Variants in NFYC observed in about 807,000 individuals in gnomAD.
NFYC encodes CAAT box DNA-binding protein subunit C.
A neutral mutation model predicts 53.1 loss-of-function variants in NFYC; 25 were observed. That is an observed-to-expected ratio of 0.47 (90% CI 0.34 to 0.66). The LOEUF (loss-of-function observed/expected upper bound fraction) is 0.66, where lower values mean the gene tolerates loss of function less well. Among genes scored for constraint, NFYC ranks in the 30% least tolerant of loss-of-function variants. The probability of loss-of-function intolerance (pLI) is 0.01; values close to 1 mark genes in which losing one functional copy is unlikely to be tolerated. For synonymous variants in NFYC, 145 were observed against 152.6 expected (o/e 0.95, Z 0.37); for missense variants, 260 against 422.7 (o/e 0.62, Z 3.38).
intron 1 of NFYC, among the ~76,000 whole-genome samples, chr1:40,728,982 A>G (rs1644645679): frequency 6.6e-6 from 1 of 152,200 alleles, no homozygotes; most frequent in South Asian, 2.1e-4. Flanking sequence ...GTGAGCAGTA[A>G]TATTTTCAAA....
chr1:40,762,883 T>C lies in NFYC; in HGVS notation c.562-5T>C, dbSNP rs372846664. ...ACGCAGCATTCTCATAACTCTTCCT[T>C]TCAGACCACACCTGTGACAATGCAG... On this transcript the variant is annotated splice_polypyrimidine_tract_variant and splice_region_variant and intron_variant, in intron 6 of 9. Coordinates refer to ENST00000447388, the MANE Select transcript of NFYC (RefSeq NM_014223.5). The C allele has an allele frequency of 1.8e-4, 280 of 1,586,908 alleles. No individual in the cohort carries two copies. Among genetic ancestry groups the C allele is most frequent in the Non-Finnish European group, 2.3e-4 (266 of 1,164,322 alleles).
chr1:40,743,933 C>T (rs1645479723), intron 2 of NFYC, among the ~76,000 whole-genome samples: 1 of 152,146 alleles, frequency 6.6e-6, no homozygotes, highest in Non-Finnish European at 1.5e-5. Flanking sequence ...AACAGTAGTC[C>T]TTAACTCTCA....
At chr1:40,747,244 G>A (rs78359579) in intron 2 of NFYC, among the ~76,000 whole-genome samples, 152 of 133,880 alleles carry the variant, frequency 1.1e-3, no homozygotes, top group Middle Eastern at 3.7e-3. Context: ...TTGTGCTGAC[G>A]AAAAAAAAAA....
rs931685844 is a variant in NFYC at position 40,753,311 on chromosome 1, C to G, written c.387+65C>G. ...GCGCTTTGTATACTGGTGTCAGATA[C>G]GCTCCTTCTCTCTCAGCACAAGTCA... On this transcript the variant is annotated intron_variant, in intron 5 of 9. Transcript: ENST00000447388. 1.6e-5 allele frequency: 17 copies of G among 1,060,902 alleles called. No homozygotes were observed. In the African/African-American group the frequency reaches 2.5e-4, roughly 16 times the overall value. The allele number at this position is 1,060,902 out of a possible 1,614,324, so 65.7% of individuals were successfully genotyped here.
At chr1:40,762,812 T>C (rs1334409580) in intron 6 of NFYC, 76 bp from the exon 7 acceptor site, 2 of 1,373,352 alleles carry the variant, frequency 1.5e-6, no homozygotes, top group Non-Finnish European at 1.9e-6. Flanking sequence ...AGCACATTGC[T>C]CGTTATTAAC....
rs199514812 is a variant in NFYC at position 40,770,820 on chromosome 1, G to A, written c.1000G>A (p.Gly334Ser). ...PSDGQAPQVT[G>S]D The stretch of plus-strand genomic sequence containing the variant: ...CGACGGGCAGGCCCCCCAGGTGACC[G>A]GCGACTGAGGGCCTGAGCTGGCAAG... Residue 334 changes from glycine to serine, a missense_variant, in exon 10 of 10, where the codon GGC becomes AGC. Transcript: ENST00000447388. The surrounding 1 kb of genome is among the most constrained non-coding windows in gnomAD (Gnocchi z 5.3). 4.0e-5 allele frequency: 64 copies of A among 1,608,468 alleles called. No individual in the cohort carries two copies. The highest frequency in any genetic ancestry group is 1.6e-4 in the Middle Eastern group (1 of 6,062).
chr1:40,755,564 A>G (rs892711589), intron 5 of NFYC, among the ~76,000 whole-genome samples: 1 of 152,220 alleles, frequency 6.6e-6, no homozygotes. Flanking sequence ...GTTCCTGCCC[A>G]TTGAAATGTC....
Position 40,770,766 on chromosome 1 carries a change from A to G in NFYC, c.946A>G (p.Met316Val), listed in dbSNP as rs776903607. 3.7e-6 allele frequency: 6 copies of G among 1,613,606 alleles called. No individual in the cohort carries two copies. In the Admixed American group the frequency reaches 6.7e-5, roughly 18 times the overall value. ...TGCGGGCCAGGACCTCGCCCAGCCC[A>G]TGTTCATCCAGTCAGCCAACCAGCC... ...MPAGQDLAQP[M>V]FIQSANQPSD... The change falls in exon 10 of 10, where the codon ATG (methionine) becomes GTG (valine). Residue 316 changes from methionine to valine, a missense_variant. Met to Val is a conservative substitution (Grantham distance 21, BLOSUM62 1). Transcript: ENST00000447388. The surrounding 1 kb of genome is among the most constrained non-coding windows in gnomAD (Gnocchi z 5.3).
intron 1 of NFYC, chr1:40,692,440 G>A (rs553263338): frequency 6.5e-6 from 1 of 152,748 alleles, no homozygotes; most frequent in South Asian, 2.0e-4. Context: ...CCAAGATTGG[G>A]GTGTGCAGGC....
chr1:40,750,545 G>A (rs546473058), intron 4 of NFYC, among the ~76,000 whole-genome samples: 7 of 152,118 alleles, frequency 4.6e-5, no homozygotes, highest in South Asian at 2.1e-4. Flanking sequence ...TTGTCAATGC[G>A]TCATAAAGTT....
chr1:40,712,464 A>G (rs965931145), intron 1 of NFYC: 1 of 152,150 alleles, frequency 6.6e-6, no homozygotes, highest in Non-Finnish European at 1.5e-5. Context: ...TTGCATTACA[A>G]TGCAGGTAAG....
intron 1 of NFYC, among the ~76,000 whole-genome samples, chr1:40,694,562 C>T (rs1038278965): frequency 6.6e-6 from 1 of 152,128 alleles, no homozygotes; most frequent in Non-Finnish European, 1.5e-5. Context: ...TCAAGTTAAC[C>T]AAATATGAAG....
chr1:40,768,419 C>G (rs1054279318), intron 8 of NFYC, among the ~76,000 whole-genome samples: 1 of 152,208 alleles, frequency 6.6e-6, no homozygotes, highest in African/African-American at 2.4e-5. Context: ...CCTGTCATAC[C>G]TGTTCCCTTT....
At position 40,770,881 on chromosome 1, in the gene NFYC, C is replaced by G; in HGVS notation, c.*53C>G. 6.3e-7 allele frequency: 1 copy of G among 1,583,414 alleles called. No homozygotes were observed. The highest frequency in any genetic ancestry group is 8.6e-7 in the Non-Finnish European group (1 of 1,166,682). ...CCCAACACAATTTTTGCCATACAGCCCCAGGCAATGGGCACAGCCTTCCTC... is the reference window on the plus strand; with the variant it reads ...CCCAACACAATTTTTGCCATACAGCGCCAGGCAATGGGCACAGCCTTCCTC... On this transcript the variant is annotated 3_prime_UTR_variant, in exon 10 of 10. Transcript: ENST00000447388. The surrounding 1 kb of genome is among the most constrained non-coding windows in gnomAD (Gnocchi z 5.3).
At chr1:40,767,511 C>T (rs913317522) in intron 8 of NFYC, among the ~76,000 whole-genome samples, 11 of 152,136 alleles carry the variant, frequency 7.2e-5, no homozygotes, top group African/African-American at 2.7e-4. Flanking sequence ...AGGGCTGTTT[C>T]TGTGCCCACT....
At chr1:40,733,653 C>T (rs1644880496) in intron 1 of NFYC, among the ~76,000 whole-genome samples, 1 of 151,374 alleles carries the variant, frequency 6.6e-6, no homozygotes, top group Non-Finnish European at 1.5e-5. Context: ...ACTGTAGCCT[C>T]AAACTCCTGG....
rs568612795 is a variant in NFYC, at chr1:40,733,740, T to A, written c.-8-5096T>A. On this transcript the variant is annotated intron_variant, in intron 1 of 9. Transcript: ENST00000447388. ...GTGTGCCACAATGCCTATTTAAAAATTTTTTTTTTATTCTTCTTTTTGAGA... is the reference window on the plus strand; with the variant it reads ...GTGTGCCACAATGCCTATTTAAAAAATTTTTTTTTATTCTTCTTTTTGAGA... Among the ~76,000 whole-genome samples the A allele has an allele frequency of 6.9e-4, 102 of 148,902 alleles. 1 individual carries two copies. Among genetic ancestry groups the A allele is most frequent in the Admixed American group, 4.2e-3 (62 of 14,912 alleles).
Position 40,767,030 on chromosome 1 carries a change from T to C in NFYC, c.828+327T>C, listed in dbSNP as rs553691573. ...TCGACAGATCGCCTGATCGTCAGGCTGTTTCCATCTTTAAACCCAAGTGGC... is the reference window on the plus strand; with the variant it reads ...TCGACAGATCGCCTGATCGTCAGGCCGTTTCCATCTTTAAACCCAAGTGGC... On this transcript the variant is annotated intron_variant, in intron 8 of 9. Transcript: ENST00000447388. 21 of 1,502,722 alleles carry C rather than the reference T, an allele frequency of 1.4e-5. No individual in the cohort carries two copies. The South Asian group carries it at 1.9e-4, about 14-fold the overall frequency. 93.1% of individuals were successfully genotyped at this position (1,502,722 alleles called of 1,614,324 possible).
Position 40,742,827 on chromosome 1 carries a change from T to A in NFYC, c.105+3879T>A, listed in dbSNP as rs78879705. On this transcript the variant is annotated intron_variant, in intron 2 of 9. Coordinates refer to ENST00000447388, the MANE Select transcript of NFYC (RefSeq NM_014223.5). ...CTTGTGTGACTCTTATTTTCCCCTC[T>A]TCTCAGGAGTGCAACACGTGATGGC... is the stretch of plus-strand genomic sequence containing the variant. 1.8e-4 allele frequency among the ~76,000 whole-genome samples: 27 copies of A among 152,312 alleles called. 1 individual carries two copies. The highest frequency in any genetic ancestry group is 6.8e-3 in the Middle Eastern group (2 of 294).
Sources: allele counts gnomAD v4.1 joint callset (sites outside exome capture counted in the v4.1 genomes callset), GRCh38; gene constraint gnomAD v4.1.1; non-coding constraint Gnocchi (gnomAD v3.1); transcripts MANE v1.5; gene names NCBI Gene and HGNC (gene_info 2026-07-23, HGNC 2026-07-21).